The following CHN2 variants were observed in gnomAD, a reference collection of about 807,000 sequenced individuals.
CHN2 encodes beta-chimaerin.
CHN2 carries 35 observed loss-of-function variants against 56.3 expected under a neutral mutation model. That is an observed-to-expected ratio of 0.62 (90% CI 0.47 to 0.82). CHN2 has a LOEUF of 0.82. Among genes scored for constraint, CHN2 ranks in the 40% least tolerant of loss-of-function variants. The pLI is 0.00. For missense variants in CHN2, 491 were observed against 580.5 expected (o/e 0.85, Z 1.58); for synonymous variants, 210 against 212.8 (o/e 0.99, Z 0.12).
chr7:29,433,841 C>CA (rs1198304327), intron 6 of CHN2, among the ~76,000 whole-genome samples: 51 of 80,432 alleles, frequency 6.3e-4, no homozygotes, highest in East Asian at 3.1e-3. Flanking sequence ...TCCATCTAAA[C>CA]AAAAAAAAAA....
chr7:29,308,794 C>T (rs140491052), intron 1 of CHN2, among the ~76,000 whole-genome samples: 18 of 152,324 alleles, frequency 1.2e-4, no homozygotes, highest in East Asian at 5.8e-4. Flanking sequence ...CTCTTATAAC[C>T]GTGCTAAGCA....
intron 3 of CHN2, chr7:29,376,272 G>A (rs552848330): frequency 5.3e-5 from 8 of 152,222 alleles, no homozygotes; most frequent in Non-Finnish European, 8.8e-5. Flanking sequence ...CGGCTTCAGA[G>A]TTTTATGGAT....
intron 3 of CHN2, among the ~76,000 whole-genome samples, chr7:29,384,052 A>C (rs1019983916): frequency 7.2e-5 from 11 of 152,116 alleles, no homozygotes; most frequent in African/African-American, 2.7e-4. Context: ...AGAGATTATG[A>C]TTTCTAGCTT....
At chr7:29,323,957 T>C (rs1795583969) in intron 1 of CHN2, among the ~76,000 whole-genome samples, 1 of 151,756 alleles carries the variant, frequency 6.6e-6, no homozygotes, top group Non-Finnish European at 1.5e-5. Flanking sequence ...TGAGCAGAGA[T>C]TGTGCCACTG....
At chr7:29,497,653 C>G (rs1240015554) in intron 8 of CHN2, among the ~76,000 whole-genome samples, 1 of 152,118 alleles carries the variant, frequency 6.6e-6, no homozygotes, top group African/African-American at 2.4e-5. Flanking sequence ...TATATTACAT[C>G]TTTTAAGTAT....
intron 9 of CHN2, among the ~76,000 whole-genome samples, chr7:29,503,058 A>G (rs56952421): frequency 0.15 from 22,508 of 151,976 alleles, 3,028 homozygotes; most frequent in African/African-American, 0.35. Flanking sequence ...AGTGAATCTT[A>G]TGGCTGAATG....
At chr7:29,347,695 C>T (rs186197978) in intron 1 of CHN2, among the ~76,000 whole-genome samples, 6 of 152,152 alleles carry the variant, frequency 3.9e-5, no homozygotes, top group East Asian at 1.9e-4. Flanking sequence ...TGACGCAGAC[C>T]GAAGCCATAT....
intron 3 of CHN2, among the ~76,000 whole-genome samples, chr7:29,386,357 A>T (rs1160708838): frequency 3.9e-5 from 6 of 152,138 alleles, no homozygotes; most frequent in Non-Finnish European, 8.8e-5. Context: ...TTTCTCCCCT[A>T]CTTGATCCAT....
chr7:29,310,367 A>G (rs1369052109), intron 1 of CHN2, among the ~76,000 whole-genome samples: 5 of 152,234 alleles, frequency 3.3e-5, no homozygotes, highest in Non-Finnish European at 7.3e-5. Flanking sequence ...ATCAAGCTGC[A>G]AAACAGTGGG....
chr7:29,481,325 T>C (rs1787201885), intron 7 of CHN2, among the ~76,000 whole-genome samples: 1 of 152,230 alleles, frequency 6.6e-6, no homozygotes, highest in Non-Finnish European at 1.5e-5. Flanking sequence ...GTAACCCAAG[T>C]GACTCTTGGA....
chr7:29,349,115 A>T (rs1383706410), intron 1 of CHN2, among the ~76,000 whole-genome samples: 1 of 152,210 alleles, frequency 6.6e-6, no homozygotes, highest in African/African-American at 2.4e-5. Context: ...TACACATTGT[A>T]TGTTATTTTT....
At chr7:29,333,074 G>A (rs1244804584) in intron 1 of CHN2, 7 of 152,148 alleles carry the variant, frequency 4.6e-5, no homozygotes, top group Admixed American at 4.6e-4. Flanking sequence ...CCTTCTCACA[G>A]CTCAGGGAGA....
intron 6 of CHN2, among the ~76,000 whole-genome samples, chr7:29,432,976 A>G (rs1782957533): frequency 6.6e-6 from 1 of 152,210 alleles, no homozygotes; most frequent in Non-Finnish European, 1.5e-5. Flanking sequence ...CCTAGTGTAT[A>G]AAAAGACATT....
chr7:29,496,776 A>G (rs1311582729), intron 8 of CHN2, among the ~76,000 whole-genome samples: 2 of 152,224 alleles, frequency 1.3e-5, no homozygotes. Context: ...ATCTAACACA[A>G]TGATAAATGA....
At chr7:29,461,632 AGAT>A (rs1282223350) in intron 6 of CHN2, among the ~76,000 whole-genome samples, 1 of 152,264 alleles carries the variant, frequency 6.6e-6, no homozygotes, top group Non-Finnish European at 1.5e-5. Context: ...AAAGCTTTAG[AGAT>A]GTCAGACTTC....
At chr7:29,179,005 A>G (rs1797726438) in intron 2 of CHN2, among the ~76,000 whole-genome samples, 1 of 152,130 alleles carries the variant, frequency 6.6e-6, no homozygotes, top group Admixed American at 6.5e-5. Flanking sequence ...CTCCTCAGTT[A>G]TGGTTTTGAG....
At chr7:29,254,242 A>C (rs1788880740) in intron 1 of CHN2, among the ~76,000 whole-genome samples, 1 of 152,234 alleles carries the variant, frequency 6.6e-6, no homozygotes. Flanking sequence ...CTATGAAGGC[A>C]GGAACTGTGT....
At chr7:29,302,188 A>G (rs1793728046) in intron 1 of CHN2, among the ~76,000 whole-genome samples, 1 of 152,248 alleles carries the variant, frequency 6.6e-6, no homozygotes, top group South Asian at 2.1e-4. Context: ...TCAAATATAC[A>G]TAACATAAAT....
upstream of CHN2, chr7:29,193,420 G>A (rs1276883518): frequency 1.3e-5 from 2 of 152,128 alleles, no homozygotes; most frequent in African/African-American, 2.4e-5. Flanking sequence ...AATTGACTAT[G>A]TTCTTTTAAC....
Sources: allele counts gnomAD v4.1 joint callset (sites outside exome capture counted in the v4.1 genomes callset), GRCh38; gene constraint gnomAD v4.1.1; transcripts MANE v1.5; gene names NCBI Gene and HGNC (gene_info 2026-07-23, HGNC 2026-07-21).